CDH4: variants seen among roughly 807,000 people sequenced by gnomAD.
CDH4 encodes cadherin-4.
Under a neutral mutation model 86.0 loss-of-function variants are expected in CDH4, and 33 were observed. The observed-to-expected ratio is 0.38, with a 90% confidence interval of 0.29 to 0.51. The LOEUF (loss-of-function observed/expected upper bound fraction) is 0.51, where lower values mean the gene tolerates loss of function less well. Ranked by LOEUF, CDH4 falls within the 20% of genes least tolerant of loss-of-function variation. The pLI, the probability that CDH4 is intolerant of heterozygous loss-of-function variation, is 0.86. For synonymous variants in CDH4, 555 were observed against 549.4 expected (o/e 1.01, Z -0.14); for missense variants, 1,114 against 1,307.4 (o/e 0.85, Z 2.28).
chr20:61,520,545 G>A (rs1338884413), intron 2 of CDH4, among the ~76,000 whole-genome samples: 1 of 152,358 alleles, frequency 6.6e-6, no homozygotes, highest in African/African-American at 2.4e-5. Context: ...CACCAGCTAA[G>A]CAAGTGAGGG....
intron 8 of CDH4, 87 bp from the exon 9 acceptor site, chr20:61,910,335 G>C: frequency 7.6e-6 from 9 of 1,181,232 alleles, no homozygotes; most frequent in Non-Finnish European, 9.7e-6. Context: ...GTGAACACTC[G>C]TTGAGCTGCA....
intron 7 of CDH4, among the ~76,000 whole-genome samples, chr20:61,881,623 T>C (rs1984280226): frequency 6.6e-6 from 1 of 152,060 alleles, no homozygotes; most frequent in Non-Finnish European, 1.5e-5. Flanking sequence ...GGCCAACGTC[T>C]CCATCTGAGA....
chr20:61,413,863 G>A lies in CDH4; in HGVS notation c.169+158926G>A, dbSNP rs556008645. On this transcript the variant is annotated intron_variant, in intron 2 of 15. Coordinates refer to ENST00000614565, the MANE Select transcript of CDH4 (RefSeq NM_001794.5). ...TTTCAGCAGCCTCCCTATCTCCATC[G>A]TGACAAAGACCCACAGGCTGGGCAG... Among the ~76,000 whole-genome samples, 18 of 152,230 alleles carry A rather than the reference G, an allele frequency of 1.2e-4. 1 individual carries two copies. The South Asian group carries it at 2.7e-3, about 23-fold the overall frequency.
At chr20:61,297,990 G>C (rs1043573578) in intron 2 of CDH4, among the ~76,000 whole-genome samples, 1 of 152,232 alleles carries the variant, frequency 6.6e-6, no homozygotes, top group Non-Finnish European at 1.5e-5. Context: ...GGTCAGCTCT[G>C]GGGGCCCGTT....
intron 4 of CDH4, among the ~76,000 whole-genome samples, chr20:61,822,430 G>T (rs1981092353): frequency 6.6e-6 from 1 of 152,172 alleles, no homozygotes; most frequent in Non-Finnish European, 1.5e-5. Context: ...TGATAACAGG[G>T]GAAAAGTAGC....
At chr20:61,389,681 T>C (rs1481277030) in intron 2 of CDH4, among the ~76,000 whole-genome samples, 1 of 152,126 alleles carries the variant, frequency 6.6e-6, no homozygotes, top group African/African-American at 2.4e-5. Flanking sequence ...GCATTTTTCG[T>C]TGTCACATCA....
intron 6 of CDH4, among the ~76,000 whole-genome samples, chr20:61,853,114 G>A (rs1982815863): frequency 6.6e-6 from 1 of 152,194 alleles, no homozygotes; most frequent in Non-Finnish European, 1.5e-5. Context: ...AGAAGCGATT[G>A]CAGCCACAGC....
chr20:61,926,283 G>A (rs1442571801), intron 11 of CDH4, among the ~76,000 whole-genome samples: 4 of 152,242 alleles, frequency 2.6e-5, no homozygotes, highest in Non-Finnish European at 4.4e-5. Context: ...GTGTGCAAAG[G>A]CCCTGAGGCG....
At position 61,510,942 on chromosome 20, in the gene CDH4, TGA is replaced by T. The variant is rs960619502; in HGVS notation, c.170-232608_170-232607del. ...ACATGTCACAAAATGAAAGCAGGAG[TGA>T]GAGAGAGAGAGAAAGTTGGGGGCGG... On this transcript the variant is annotated intron_variant, in intron 2 of 15. Coordinates refer to ENST00000614565, the MANE Select transcript of CDH4 (RefSeq NM_001794.5). The surrounding 1 kb of genome is among the most constrained non-coding windows in gnomAD (Gnocchi z 4.2). Among the ~76,000 whole-genome samples the T allele has an allele frequency of 2.0e-5, 3 of 147,962 alleles. No individual in the cohort carries two copies. In the East Asian group the frequency reaches 6.0e-4, roughly 30 times the overall value.
At chr20:61,814,011 T>C (rs1260869305) in intron 4 of CDH4, among the ~76,000 whole-genome samples, 1 of 152,108 alleles carries the variant, frequency 6.6e-6, no homozygotes, top group Non-Finnish European at 1.5e-5. Context: ...CCATCCCCAT[T>C]CCTGAGAATG....
In CDH4 at chr20:61,480,757, A is replaced by T. The variant is rs2030169304; in HGVS notation, c.169+225820A>T. On this transcript the variant is annotated intron_variant, in intron 2 of 15. Transcript: ENST00000614565. The surrounding 1 kb of genome is among the most constrained non-coding windows in gnomAD (Gnocchi z 5.2). ...CCTGATGTTGCATTATCATTCCACC[A>T]AAAGAGGTCACGAGACTAGAATTGT... Among the ~76,000 whole-genome samples the T allele has an allele frequency of 6.6e-6, 1 of 152,196 alleles. No individual in the cohort carries two copies. Among genetic ancestry groups the T allele is most frequent in the South Asian group, 2.1e-4 (1 of 4,824 alleles).
intron 2 of CDH4, among the ~76,000 whole-genome samples, chr20:61,431,963 G>A (rs6089592): frequency 0.029 from 4,346 of 152,222 alleles, 98 homozygotes; most frequent in Non-Finnish European, 0.043. Flanking sequence ...AGCTCTGTCC[G>A]CGTCATTGTG....
chr20:61,565,104 T>TTGGTGGTGGTGG (rs1454326817), intron 2 of CDH4, among the ~76,000 whole-genome samples: 1 of 52,056 alleles, frequency 1.9e-5, no homozygotes, highest in Non-Finnish European at 3.9e-5. Flanking sequence ...GGTGGTGCTC[T>TTGGTGGTGGTGG]TGGTGGTGCT....
intron 2 of CDH4, among the ~76,000 whole-genome samples, chr20:61,538,684 G>A (rs558665159): frequency 3.9e-4 from 60 of 152,216 alleles, no homozygotes; most frequent in Non-Finnish European, 8.1e-4. Context: ...CCTGTCCCCA[G>A]GAGGGTGGAT....
intron 4 of CDH4, among the ~76,000 whole-genome samples, chr20:61,827,346 G>A (rs1000793551): frequency 6.6e-6 from 1 of 152,114 alleles, no homozygotes; most frequent in Non-Finnish European, 1.5e-5. Flanking sequence ...AGACCAAAAA[G>A]AAAAATCATA....
intron 2 of CDH4, among the ~76,000 whole-genome samples, chr20:61,505,515 G>A (rs1416924522): frequency 6.6e-6 from 1 of 152,222 alleles, no homozygotes; most frequent in Non-Finnish European, 1.5e-5. Context: ...ACTGGGCTTT[G>A]GGACTATGCA....
intron 6 of CDH4, 46 bp downstream of exon 6, chr20:61,852,944 G>T (rs187152989): frequency 1.2e-6 from 2 of 1,604,832 alleles, no homozygotes; most frequent in Non-Finnish European, 1.7e-6. Context: ...TGGGCTCTGC[G>T]GGTGCAGCAC....
chr20:61,724,074 C>T (rs13044573), intron 2 of CDH4, among the ~76,000 whole-genome samples: 2 of 129,128 alleles, frequency 1.5e-5, no homozygotes, highest in African/African-American at 3.1e-5. Flanking sequence ...AGGCTCCATG[C>T]GGCAGGGCGG....
At chr20:61,929,501 G>A in intron 12 of CDH4, 108 bp from the exon 13 acceptor site, 1 of 757,334 alleles carries the variant, frequency 1.3e-6, no homozygotes, top group Non-Finnish European at 2.3e-6. Flanking sequence ...TAACCAGGCA[G>A]CCATTTCAGA....
Sources: gnomAD v4.1 joint callset for allele counts (sites outside exome capture counted in the v4.1 genomes callset) on GRCh38, gnomAD v4.1.1 for gene constraint, Gnocchi (gnomAD v3.1) non-coding constraint, MANE v1.5 for transcripts, NCBI Gene and HGNC (gene_info 2026-07-23, HGNC 2026-07-21) for gene names.